The following PDE10A variants were observed in gnomAD, a reference collection of about 807,000 sequenced individuals.
The protein encoded by PDE10A is cAMP and cAMP-inhibited cGMP 3',5'-cyclic phosphodiesterase 10A.
In PDE10A, 39 loss-of-function variants were observed where a neutral mutation model predicts 97.7. The observed-to-expected ratio is 0.40, with a 90% CI of 0.31 to 0.52. The LOEUF is 0.52. Ranked by LOEUF, PDE10A falls within the 20% of genes least tolerant of loss-of-function variation. The probability of loss-of-function intolerance (pLI) is 0.56; values close to 1 mark genes in which losing one functional copy is unlikely to be tolerated. For missense variants in PDE10A, 731 were observed against 1,047.8 expected (o/e 0.70, Z 4.17); for synonymous variants, 371 against 376.8 (o/e 0.98, Z 0.18).
chr6:165,575,993 ATTG>A (rs1269816074), intron 1 of PDE10A, among the ~76,000 whole-genome samples: 1 of 152,232 alleles, frequency 6.6e-6, no homozygotes, highest in African/African-American at 2.4e-5. Flanking sequence ...AGTATCAGAT[ATTG>A]TTAACTAATC....
At chr6:165,826,247 G>C (rs1779740882) in intron 1 of PDE10A, among the ~76,000 whole-genome samples, 2 of 152,144 alleles carry the variant, frequency 1.3e-5, no homozygotes, top group South Asian at 4.1e-4. Context: ...TGAGGGCAGT[G>C]GCAGGATGGC....
intron 1 of PDE10A, among the ~76,000 whole-genome samples, chr6:165,621,775 A>G (rs1237567674): frequency 1.3e-5 from 2 of 150,414 alleles, no homozygotes; most frequent in Non-Finnish European, 1.5e-5. Context: ...AAAAAAAAAG[A>G]AGAAGAAGAA....
chr6:165,921,116 A>G (rs1288770294), intron 1 of PDE10A, among the ~76,000 whole-genome samples: 1 of 152,186 alleles, frequency 6.6e-6, no homozygotes, highest in Non-Finnish European at 1.5e-5. Context: ...CTATGTACCA[A>G]AGCAGCGTGG....
Position 165,662,694 on chromosome 6 carries a change from C to T in PDE10A, c.118G>A (p.Gly40Ser), listed in dbSNP as rs1289020363. 2 of 146,050 alleles carry T rather than the reference C, an allele frequency of 1.4e-5. No individual in the cohort carries two copies. Among genetic ancestry groups the T allele is most frequent in the African/African-American group, 4.9e-5 (2 of 40,636 alleles). 9.0% of individuals were successfully genotyped at this position (146,050 alleles called of 1,614,324 possible). A position where few individuals can be genotyped will look rare whatever the true frequency, so the allele number is the denominator to read the frequency against. ...CCCGGGCCCGCCGCGCTCCCCCCGC[C>T]GGCCGCGCTGAGCCGGGGTTCCGGG... ...LRPEPRLSAA[G>S]GGSAAGPGPA... Residue 40 changes from glycine to serine, a missense_variant, in exon 1 of 22, where the codon GGC becomes AGC. Physicochemically the swap from Gly to Ser is moderately conservative, Grantham distance 56. Transcript: ENST00000539869.
At chr6:165,717,193 T>A (rs1792045242) in intron 1 of PDE10A, among the ~76,000 whole-genome samples, 1 of 152,214 alleles carries the variant, frequency 6.6e-6, no homozygotes, top group African/African-American at 2.4e-5. Flanking sequence ...TAAGGCTTAG[T>A]AATATTTCAC....
intron 1 of PDE10A, among the ~76,000 whole-genome samples, chr6:165,657,048 T>C (rs1421556156): frequency 6.6e-6 from 1 of 152,252 alleles, no homozygotes; most frequent in Non-Finnish European, 1.5e-5. Flanking sequence ...GCTTTCATCT[T>C]TGAATTTCCA....
At chr6:165,354,694 G>C (rs185171395) in intron 18 of PDE10A, among the ~76,000 whole-genome samples, 43 of 152,324 alleles carry the variant, frequency 2.8e-4, no homozygotes, top group Middle Eastern at 3.4e-3. Context: ...TCTTTGAAAA[G>C]GACAGGTGGA....
chr6:165,494,763 T>C (rs1430912962), intron 2 of PDE10A, among the ~76,000 whole-genome samples: 2 of 152,140 alleles, frequency 1.3e-5, no homozygotes, highest in African/African-American at 2.4e-5. Context: ...TTACTAAATC[T>C]TCCATGAGTA....
chr6:165,377,734 T>TA lies in PDE10A; in HGVS notation c.2783+1459dup, dbSNP rs200626661. ...TATTTCCCTGATCTTCTGATTGCCA[T>TA]AAAAAAAAACTGAACAAACACCTGT... On this transcript the variant is annotated intron_variant, in intron 18 of 21. Transcript: ENST00000539869. Among the ~76,000 whole-genome samples, 452 of 151,118 alleles carry TA rather than the reference T, an allele frequency of 3.0e-3. 3 individuals are homozygous for TA. Among genetic ancestry groups the TA allele is most frequent in the African/African-American group, 0.01 (422 of 41,212 alleles).
intron 1 of PDE10A, among the ~76,000 whole-genome samples, chr6:165,624,271 AC>A (rs1392459238): frequency 6.6e-6 from 1 of 151,612 alleles, no homozygotes; most frequent in Non-Finnish European, 1.5e-5. Context: ...CTCGCTCCCC[AC>A]CCAACCCATG....
At chr6:165,521,030 C>T (rs1782098259) in intron 2 of PDE10A, among the ~76,000 whole-genome samples, 1 of 152,098 alleles carries the variant, frequency 6.6e-6, no homozygotes, top group Admixed American at 6.6e-5. Context: ...GCAAGTCTAT[C>T]AGCACCATTT....
chr6:165,902,341 C>G (rs1258440272), intron 1 of PDE10A, among the ~76,000 whole-genome samples: 1 of 152,188 alleles, frequency 6.6e-6, no homozygotes, highest in Non-Finnish European at 1.5e-5. Context: ...AAGCGGCAAG[C>G]CGGCTGCCGA....
At chr6:165,938,581 G>T (rs1340737625) in intron 1 of PDE10A, among the ~76,000 whole-genome samples, 1 of 152,136 alleles carries the variant, frequency 6.6e-6, no homozygotes, top group African/African-American at 2.4e-5. Flanking sequence ...AGGTTCCCAT[G>T]TGAACCCCAA....
At chr6:165,589,673 C>T (rs1017743740) in intron 1 of PDE10A, among the ~76,000 whole-genome samples, 1 of 151,804 alleles carries the variant, frequency 6.6e-6, no homozygotes, top group Non-Finnish European at 1.5e-5. Context: ...GGAAAGGAGG[C>T]CTTCCTGGAG....
intron 2 of PDE10A, among the ~76,000 whole-genome samples, chr6:165,540,557 C>T (rs9459445): frequency 0.021 from 3,144 of 152,266 alleles, 50 homozygotes; most frequent in Non-Finnish European, 0.032. Context: ...CCTGAAAATC[C>T]TCTCCACAAA....
At chr6:165,420,048 A>T (rs926396906) in intron 10 of PDE10A, among the ~76,000 whole-genome samples, 1 of 152,190 alleles carries the variant, frequency 6.6e-6, no homozygotes, top group Admixed American at 6.5e-5. Context: ...ACTGCCTAGT[A>T]TCAGGACCTC....
chr6:165,955,661 G>A (rs527444070), intron 1 of PDE10A, among the ~76,000 whole-genome samples: 6 of 152,240 alleles, frequency 3.9e-5, no homozygotes, highest in East Asian at 1.9e-4. Context: ...TTTTAAGTGC[G>A]AGTAGAAAAG....
intron 1 of PDE10A, among the ~76,000 whole-genome samples, chr6:165,728,548 C>T (rs116980725): frequency 0.025 from 3,774 of 152,214 alleles, 81 homozygotes; most frequent in Non-Finnish European, 0.036. Flanking sequence ...AAAACTACCA[C>T]GCAAGATGGC....
intron 1 of PDE10A, among the ~76,000 whole-genome samples, chr6:165,841,093 ATTAAT>A (rs2128473183): frequency 6.6e-6 from 1 of 152,368 alleles, no homozygotes; most frequent in Non-Finnish European, 1.5e-5. Context: ...GTGTCAGTCA[ATTAAT>A]TTAATTTAAG....
Sources: gnomAD v4.1 joint callset for allele counts (sites outside exome capture counted in the v4.1 genomes callset) on GRCh38, gnomAD v4.1.1 for gene constraint, MANE v1.5 for transcripts, NCBI Gene and HGNC (gene_info 2026-07-23, HGNC 2026-07-21) for gene names.